The following LINGO2 variants were observed in gnomAD, a reference collection of about 807,000 sequenced individuals.
LINGO2 encodes leucine rich repeat and Ig domain containing 2, also known as leucine-rich repeat and immunoglobulin-like domain-containing nogo receptor-interacting protein 2.
In LINGO2, 14 loss-of-function variants were observed where a neutral mutation model predicts 30.6. The observed-to-expected ratio is 0.46, with a 90% CI of 0.30 to 0.72. LINGO2 has a LOEUF of 0.72. Among genes scored for constraint, LINGO2 ranks in the 30% least tolerant of loss-of-function variants. The pLI is 0.07. For missense variants in LINGO2, 729 were observed against 751.7 expected (o/e 0.97, Z 0.35); for synonymous variants, 317 against 288.5 (o/e 1.10, Z -1.00).
At chr9:28,730,082 A>C in the LINGO2 span, among the ~76,000 whole-genome samples, 6,722 of 152,196 alleles carry the variant, frequency 0.044, 209 homozygotes, top group Middle Eastern at 0.095. Flanking sequence ...ATGTGAAGAT[A>C]AGAAAAAAAG....
the LINGO2 span, among the ~76,000 whole-genome samples, chr9:29,099,467 A>G: frequency 2.6e-5 from 4 of 152,326 alleles, no homozygotes; most frequent in South Asian, 6.2e-4. Flanking sequence ...GGGAGAAAAT[A>G]TCTGTATACT....
chr9:28,393,085 C>T (rs974624802), intron 2 of LINGO2, among the ~76,000 whole-genome samples: 5 of 152,194 alleles, frequency 3.3e-5, no homozygotes, highest in African/African-American at 1.2e-4. Context: ...TGTGTGAAAT[C>T]ACACAGCCAG....
At chr9:29,079,564 A>G in the LINGO2 span, among the ~76,000 whole-genome samples, 29,986 of 151,908 alleles carry the variant, frequency 0.2, 3,106 homozygotes, top group African/African-American at 0.24. Flanking sequence ...AATATCATAT[A>G]TTCTGTTCTA....
At chr9:28,922,097 T>G in the LINGO2 span, among the ~76,000 whole-genome samples, 1 of 152,164 alleles carries the variant, frequency 6.6e-6, no homozygotes, top group African/African-American at 2.4e-5. Context: ...CCCTATACAC[T>G]TCCTCCACAT....
At chr9:27,963,775 T>C (rs73439721) in intron 5 of LINGO2, among the ~76,000 whole-genome samples, 8,047 of 149,658 alleles carry the variant, frequency 0.054, 706 homozygotes, top group African/African-American at 0.18. Flanking sequence ...TTTTAATGAA[T>C]AATGGTGTCC....
the LINGO2 span, among the ~76,000 whole-genome samples, chr9:28,741,187 T>G: frequency 6.6e-6 from 1 of 152,004 alleles, no homozygotes; most frequent in Admixed American, 6.6e-5. Context: ...GGATTGTGTC[T>G]GCTGGAACAT....
At chr9:29,114,712 G>A in the LINGO2 span, among the ~76,000 whole-genome samples, 7 of 151,638 alleles carry the variant, frequency 4.6e-5, no homozygotes, top group Non-Finnish European at 1.0e-4. Flanking sequence ...CTTCATCCAT[G>A]TCCCTACAAA....
At chr9:28,091,654 T>C (rs2133267027) in intron 4 of LINGO2, among the ~76,000 whole-genome samples, 1 of 152,194 alleles carries the variant, frequency 6.6e-6, no homozygotes, top group South Asian at 2.1e-4. Flanking sequence ...GGACTTCATG[T>C]CTAAAACACC....
chr9:28,121,666 A>T (rs566006144), intron 4 of LINGO2, among the ~76,000 whole-genome samples: 3 of 152,328 alleles, frequency 2.0e-5, no homozygotes, highest in African/African-American at 7.2e-5. Flanking sequence ...GTCCCTTACA[A>T]GAACATTCCT....
the LINGO2 span, among the ~76,000 whole-genome samples, chr9:29,155,280 T>C: frequency 6.6e-6 from 1 of 152,162 alleles, no homozygotes; most frequent in East Asian, 1.9e-4. Flanking sequence ...TTTTCTTCTA[T>C]AAATTTAAAA....
chr9:29,012,526 C>T, the LINGO2 span, among the ~76,000 whole-genome samples: 417 of 152,222 alleles, frequency 2.7e-3, 3 homozygotes, highest in Middle Eastern at 0.01. Flanking sequence ...TTGGTTCTAT[C>T]AGTCTTTTTC....
intron 3 of LINGO2, among the ~76,000 whole-genome samples, chr9:28,311,741 C>G (rs986192672): frequency 5.3e-5 from 8 of 152,116 alleles, no homozygotes; most frequent in African/African-American, 1.9e-4. Flanking sequence ...AACACACATG[C>G]TCTACAATTT....
chr9:28,355,829 A>C (rs1179710875), intron 3 of LINGO2, among the ~76,000 whole-genome samples: 1 of 151,456 alleles, frequency 6.6e-6, no homozygotes, highest in Non-Finnish European at 1.5e-5. Flanking sequence ...CAGAAAAAAC[A>C]TCTATCACCA....
rs139013341 is a variant in LINGO2 at position 28,127,307 on chromosome 9, G to A, written c.-86-114902C>T. Among the ~76,000 whole-genome samples, 137 of 152,246 alleles carry A rather than the reference G, an allele frequency of 9.0e-4. 1 individual carries two copies. The East Asian group carries it at 0.018, about 20-fold the overall frequency. On this transcript the variant is annotated intron_variant, in intron 4 of 5. Coordinates refer to ENST00000379992, the Ensembl canonical transcript of LINGO2. Reference sequence around the variant, plus strand: ...CCTTGGAGTGTTTGCTTTCACTCTTGGAAGACAGCCACATGTAAAGTACAA... The same window carrying A: ...CCTTGGAGTGTTTGCTTTCACTCTTAGAAGACAGCCACATGTAAAGTACAA...
chr9:28,854,689 T>G, the LINGO2 span, among the ~76,000 whole-genome samples: 1 of 152,008 alleles, frequency 6.6e-6, no homozygotes, highest in Admixed American at 6.6e-5. Context: ...ACGGTGCCTT[T>G]GGTTTTGGGC....
intron 5 of LINGO2, among the ~76,000 whole-genome samples, chr9:27,977,950 G>A (rs545719642): frequency 1.3e-3 from 194 of 152,140 alleles, no homozygotes; most frequent in African/African-American, 4.5e-3. Context: ...TTCTGGCTCT[G>A]CAAACAAGCC....
intron 1 of LINGO2, among the ~76,000 whole-genome samples, chr9:28,667,194 C>T (rs1329891124): frequency 6.6e-6 from 1 of 152,144 alleles, no homozygotes; most frequent in African/African-American, 2.4e-5. Context: ...TAACAGCCCA[C>T]TCTGTTTATA....
chr9:28,939,407 C>G, the LINGO2 span, among the ~76,000 whole-genome samples: 1 of 152,152 alleles, frequency 6.6e-6, no homozygotes, highest in Admixed American at 6.5e-5. Flanking sequence ...GTGCCACTTT[C>G]TTTCATACCC....
chr9:28,438,940 T>C (rs1001903272), intron 2 of LINGO2, among the ~76,000 whole-genome samples: 5 of 146,862 alleles, frequency 3.4e-5, no homozygotes, highest in Non-Finnish European at 7.5e-5. Context: ...ACATTATATA[T>C]AATGAAATAT....
Sources: allele counts gnomAD v4.1 joint callset (sites outside exome capture counted in the v4.1 genomes callset), GRCh38; gene constraint gnomAD v4.1.1; transcripts MANE v1.5; gene names NCBI Gene and HGNC (gene_info 2026-07-23, HGNC 2026-07-21).